Variants in DEUP1 observed in about 807,000 individuals in gnomAD.
DEUP1 encodes deuterosome assembly protein 1.
Under a neutral mutation model 87.4 loss-of-function variants are expected in DEUP1, and 82 were observed. The observed-to-expected ratio is 0.94, with a 90% confidence interval of 0.78 to 1.13. The LOEUF (loss-of-function observed/expected upper bound fraction) is 1.13. DEUP1 is among the 50% of genes most tolerant of loss of function. DEUP1 has a pLI of 0.00. For missense variants in DEUP1, 663 were observed against 681.5 expected (o/e 0.97, Z 0.30); for synonymous variants, 214 against 222.7 (o/e 0.96, Z 0.35).
chr11:93,345,929 C>T (rs1463493324), intron 2 of DEUP1, among the ~76,000 whole-genome samples: 3 of 152,078 alleles, frequency 2.0e-5, no homozygotes. Context: ...AAATTTTGGC[C>T]TATTCCTATG....
chr11:93,431,232 A>G (rs1388742606), intron 13 of DEUP1, among the ~76,000 whole-genome samples: 1 of 152,196 alleles, frequency 6.6e-6, no homozygotes. Flanking sequence ...CAGGAAAATT[A>G]TCATTGAGAA....
intron 11 of DEUP1, among the ~76,000 whole-genome samples, chr11:93,404,101 C>T (rs989726192): frequency 3.9e-5 from 6 of 151,970 alleles, no homozygotes; most frequent in Admixed American, 2.6e-4. Flanking sequence ...TGAAAGTTTA[C>T]CACAGGCAGC....
chr11:93,406,400 T>A (rs539260361), intron 11 of DEUP1, among the ~76,000 whole-genome samples: 1 of 152,092 alleles, frequency 6.6e-6, no homozygotes, highest in Non-Finnish European at 1.5e-5. Flanking sequence ...GATATTTTCA[T>A]CAATATGTGA....
intron 13 of DEUP1, among the ~76,000 whole-genome samples, chr11:93,431,327 T>C (rs1319990207): frequency 6.6e-6 from 1 of 152,126 alleles, no homozygotes; most frequent in East Asian, 1.9e-4. Flanking sequence ...AAGGGAACTA[T>C]AAGGCAGGAA....
intron 2 of DEUP1, among the ~76,000 whole-genome samples, chr11:93,342,524 A>G (rs1211939455): frequency 6.6e-6 from 1 of 152,212 alleles, no homozygotes; most frequent in Non-Finnish European, 1.5e-5. Context: ...AGGGATGTGT[A>G]GGGTACCCAC....
rs527419560 is a variant in DEUP1, at chr11:93,396,149, G to T, written c.1240-90G>T. Reference sequence around the variant, plus strand: ...GAAGTGTTTCCCTTCATTACACTTAGAAAATATTTGTATTCACAAGACAAA... The same window carrying T: ...GAAGTGTTTCCCTTCATTACACTTATAAAATATTTGTATTCACAAGACAAA... On this transcript the variant is annotated intron_variant, in intron 10 of 13. Transcript: ENST00000298050. 2.4e-5 allele frequency: 19 copies of T among 784,804 alleles called. No individual in the cohort carries two copies. In the South Asian group the frequency reaches 2.5e-4, roughly 10 times the overall value. 48.6% of individuals were successfully genotyped at this position (784,804 alleles called of 1,614,324 possible).
intron 2 of DEUP1, among the ~76,000 whole-genome samples, chr11:93,347,724 TG>T (rs1335188085): frequency 2.0e-5 from 3 of 151,918 alleles, no homozygotes; most frequent in South Asian, 2.1e-4. Context: ...TTCAGTTTTT[TG>T]GGGGGGTTTT....
At chr11:93,417,217 T>G (rs547665237) in intron 13 of DEUP1, among the ~76,000 whole-genome samples, 1 of 146,274 alleles carries the variant, frequency 6.8e-6, no homozygotes, top group Non-Finnish European at 1.5e-5. Flanking sequence ...GGGTATTCAA[T>G]TAGGAAAAGA....
At chr11:93,418,480 C>A (rs543638674) in intron 13 of DEUP1, among the ~76,000 whole-genome samples, 11 of 151,934 alleles carry the variant, frequency 7.2e-5, no homozygotes, top group Non-Finnish European at 1.3e-4. Flanking sequence ...AACCACAATG[C>A]GATATCATCT....
At chr11:93,410,919 C>T (rs1199011319) in intron 12 of DEUP1, 3 of 152,178 alleles carry the variant, frequency 2.0e-5, no homozygotes, top group African/African-American at 7.2e-5. Flanking sequence ...TGCTGCAAAG[C>T]CTTGTGTCCT....
intron 13 of DEUP1, among the ~76,000 whole-genome samples, chr11:93,433,358 C>T (rs963155255): frequency 3.9e-5 from 6 of 152,036 alleles, no homozygotes; most frequent in African/African-American, 2.4e-5. Flanking sequence ...TCTATAAAAA[C>T]TTTTTTAAAA....
intron 11 of DEUP1, among the ~76,000 whole-genome samples, chr11:93,405,290 TCTA>T (rs1351754741): frequency 1.3e-5 from 2 of 151,986 alleles, no homozygotes; most frequent in Non-Finnish European, 2.9e-5. Context: ...TTATCACAAA[TCTA>T]CTCTAATTTT....
chr11:93,392,980 C>T (rs950304043), intron 9 of DEUP1, among the ~76,000 whole-genome samples: 5 of 147,718 alleles, frequency 3.4e-5, no homozygotes, highest in African/African-American at 1.0e-4. Flanking sequence ...CCTCCTCCTC[C>T]GAGCCCTCCT....
At chr11:93,418,387 T>G (rs1345021715) in intron 13 of DEUP1, among the ~76,000 whole-genome samples, 1 of 152,000 alleles carries the variant, frequency 6.6e-6, no homozygotes. Flanking sequence ...GAACAGACAC[T>G]TCTCAAAAGA....
At chr11:93,364,046 G>T (rs1945300148) in intron 4 of DEUP1, 114 bp from the exon 5 acceptor site, 3 of 749,758 alleles carry the variant, frequency 4.0e-6, no homozygotes, top group Non-Finnish European at 6.4e-6. Context: ...AAGCTTTACT[G>T]CACTTTCTAA....
chr11:93,404,819 G>A (rs1370437495), intron 11 of DEUP1, among the ~76,000 whole-genome samples: 2 of 151,976 alleles, frequency 1.3e-5, no homozygotes, highest in Non-Finnish European at 2.9e-5. Flanking sequence ...AGAGGTGGGG[G>A]TGGATATATT....
intron 13 of DEUP1, among the ~76,000 whole-genome samples, chr11:93,416,218 C>T (rs1387189629): frequency 6.6e-6 from 1 of 152,014 alleles, no homozygotes; most frequent in Non-Finnish European, 1.5e-5. Context: ...ACAAAAAACT[C>T]TTCAAAAAAT....
chr11:93,401,635 A>C (rs1947121999), intron 11 of DEUP1, among the ~76,000 whole-genome samples: 1 of 152,058 alleles, frequency 6.6e-6, no homozygotes, highest in South Asian at 2.1e-4. Flanking sequence ...CCCAGATATA[A>C]ACCAATGCAT....
In DEUP1 at chr11:93,437,054, C is replaced by T. The variant is rs186481372; in HGVS notation, c.1639-489C>T. ...TCAAGCCTTCCCTACTAGGGAGCCACCTCCACCCCAAGACACATCATGCAG... is the reference window on the plus strand; with the variant it reads ...TCAAGCCTTCCCTACTAGGGAGCCATCTCCACCCCAAGACACATCATGCAG... On this transcript the variant is annotated intron_variant, in intron 13 of 13. Transcript: ENST00000298050. Among the ~76,000 whole-genome samples, 6 of 152,278 alleles carry T rather than the reference C, an allele frequency of 3.9e-5. No homozygotes were observed. In the East Asian group the frequency reaches 9.7e-4, roughly 25 times the overall value.
Sources: allele counts gnomAD v4.1 joint callset (sites outside exome capture counted in the v4.1 genomes callset), GRCh38; gene constraint gnomAD v4.1.1; transcripts MANE v1.5; gene names NCBI Gene and HGNC (gene_info 2026-07-23, HGNC 2026-07-21).